Variants in FRRS1 observed in about 807,000 individuals in gnomAD.
The protein encoded by FRRS1 is ferric reductase 1.
In FRRS1, 51 loss-of-function variants were observed where a neutral mutation model predicts 70.7. The observed-to-expected ratio is 0.72, with a 90% CI of 0.58 to 0.91. The LOEUF (loss-of-function observed/expected upper bound fraction) is 0.91, where lower values mean the gene tolerates loss of function less well. FRRS1 is among the 40% of genes least tolerant of loss of function. FRRS1 has a pLI of 0.00. For missense variants in FRRS1, 672 were observed against 726.0 expected (o/e 0.93, Z 0.86); for synonymous variants, 225 against 238.7 (o/e 0.94, Z 0.53).
intron 6 of FRRS1, among the ~76,000 whole-genome samples, chr1:99,739,412 C>G (rs1241307970): frequency 6.6e-6 from 1 of 152,152 alleles, no homozygotes; most frequent in Non-Finnish European, 1.5e-5. Context: ...TTCCCTAAAG[C>G]AGCTTTTAAT....
Position 99,710,897 on chromosome 1 carries a change from T to G in FRRS1, c.1533A>C (p.Ser511=), listed in dbSNP as rs765865502. The change falls in exon 15 of 17, where the codon TCA becomes TCC. Residue 511 remains serine, a synonymous_variant. Coordinates refer to ENST00000646001, the MANE Select transcript of FRRS1 (RefSeq NM_001361041.2). ...ATCCGGTCATTGCATAGGTTTTCCA[T>G]GAATCAGGAAGATTCAGTCCTGGTA... ...MDLPGLNLPD[S]WKTYAMTGFV... The G allele has an allele frequency of 1.2e-6, 2 of 1,613,908 alleles. No individual in the cohort carries two copies. The highest frequency in any genetic ancestry group is 2.7e-5 in the African/African-American group (2 of 74,922).
intron 8 of FRRS1, among the ~76,000 whole-genome samples, chr1:99,729,347 C>CT (rs66525640): frequency 0.22 from 33,596 of 152,132 alleles, 3,681 homozygotes; most frequent in South Asian, 0.26. Flanking sequence ...CGTCTGTAAG[C>CT]TTTTGAAAGG....
intron 1 of FRRS1, among the ~76,000 whole-genome samples, chr1:99,756,872 T>A (rs1656862836): frequency 6.6e-6 from 1 of 152,176 alleles, no homozygotes; most frequent in South Asian, 2.1e-4. Context: ...AAAGTTGACA[T>A]GCACACAAAA....
chr1:99,716,886 C>T (rs370531961), intron 11 of FRRS1, among the ~76,000 whole-genome samples: 8 of 152,270 alleles, frequency 5.3e-5, no homozygotes, highest in South Asian at 2.1e-4. Context: ...GAAGGAAGAG[C>T]ATGAAAAATA....
chr1:99,758,290 AG>A (rs1174156685), intron 1 of FRRS1, among the ~76,000 whole-genome samples: 1 of 152,208 alleles, frequency 6.6e-6, no homozygotes, highest in East Asian at 1.9e-4. Context: ...TAATGAATTG[AG>A]GTCGAGTTTA....
At chr1:99,762,430 C>A (rs1657150051) in intron 1 of FRRS1, among the ~76,000 whole-genome samples, 1 of 151,316 alleles carries the variant, frequency 6.6e-6, no homozygotes, top group African/African-American at 2.4e-5. Flanking sequence ...TGAAAATATC[C>A]TTCTCCAAGA....
At chr1:99,750,867 A>C (rs1187784840) in intron 1 of FRRS1, among the ~76,000 whole-genome samples, 1 of 152,180 alleles carries the variant, frequency 6.6e-6, no homozygotes, top group Non-Finnish European at 1.5e-5. Flanking sequence ...TAAATAAATA[A>C]ATAATAAATA....
At chr1:99,736,491 A>T (rs1292975360) in intron 7 of FRRS1, among the ~76,000 whole-genome samples, 2 of 152,020 alleles carry the variant, frequency 1.3e-5, no homozygotes, top group African/African-American at 4.8e-5. Flanking sequence ...ATGGTATCCT[A>T]CATCATTCTC....
At chr1:99,724,189 G>C (rs899426340) in intron 9 of FRRS1, among the ~76,000 whole-genome samples, 1 of 152,200 alleles carries the variant, frequency 6.6e-6, no homozygotes, top group South Asian at 2.1e-4. Context: ...GAGTTCCATT[G>C]TGTGGCTCCA....
At chr1:99,748,520 A>G (rs1656400446) in intron 3 of FRRS1, 53 bp downstream of exon 3, 17 of 1,287,616 alleles carry the variant, frequency 1.3e-5, no homozygotes, top group Non-Finnish European at 1.9e-5. Flanking sequence ...AAGATTCAAT[A>G]AACAGTAAAA....
chr1:99,729,446 C>A (rs1655238515), intron 8 of FRRS1, among the ~76,000 whole-genome samples: 1 of 152,226 alleles, frequency 6.6e-6, no homozygotes, highest in Non-Finnish European at 1.5e-5. Flanking sequence ...AGCAAGAATT[C>A]ATCTTTTCCT....
Position 99,741,017 on chromosome 1 carries a change from AAAAG to A in FRRS1, c.429-81_429-78del, listed in dbSNP as rs951097385. 19 of 1,322,516 alleles carry A rather than the reference AAAAG, an allele frequency of 1.4e-5. No individual in the cohort carries two copies. The African/African-American group carries it at 2.4e-4, about 16-fold the overall frequency. 81.9% of individuals were successfully genotyped at this position (1,322,516 alleles called of 1,614,324 possible). ...CAGATCAAAACGTTAAAGGAAAAAA[AAAAG>A]AAAGACTAAACTAGAAAAACATGAC... On this transcript the variant is annotated intron_variant, in intron 5 of 16. Transcript: ENST00000646001.
intron 4 of FRRS1, among the ~76,000 whole-genome samples, chr1:99,744,658 T>G (rs2100974704): frequency 6.6e-6 from 1 of 152,046 alleles, no homozygotes; most frequent in South Asian, 2.1e-4. Context: ...TGGTGGCACA[T>G]GCCTGTAATC....
At chr1:99,731,862 C>T (rs1008199751) in intron 7 of FRRS1, among the ~76,000 whole-genome samples, 1 of 152,132 alleles carries the variant, frequency 6.6e-6, no homozygotes, top group Non-Finnish European at 1.5e-5. Flanking sequence ...GATGGATTCT[C>T]GCCCTGTTGC....
At chr1:99,744,793 A>G (rs1238500586) in intron 4 of FRRS1, among the ~76,000 whole-genome samples, 3 of 151,680 alleles carry the variant, frequency 2.0e-5, no homozygotes, top group Admixed American at 6.6e-5. Flanking sequence ...TCCAAAAATA[A>G]TAACAATAAT....
chr1:99,744,550 G>A (rs894137045), intron 4 of FRRS1, among the ~76,000 whole-genome samples: 1 of 152,094 alleles, frequency 6.6e-6, no homozygotes, highest in Non-Finnish European at 1.5e-5. Context: ...ACTTTGGGAG[G>A]CCAAGGCGGG....
At chr1:99,761,195 C>T (rs561012737) in intron 1 of FRRS1, among the ~76,000 whole-genome samples, 2 of 152,088 alleles carry the variant, frequency 1.3e-5, no homozygotes, top group East Asian at 1.9e-4. Context: ...GGTGCAATCT[C>T]GGCTCACTAC....
chr1:99,723,683 A>G (rs1426506207), intron 9 of FRRS1, among the ~76,000 whole-genome samples: 1 of 152,234 alleles, frequency 6.6e-6, no homozygotes, highest in Admixed American at 6.5e-5. Context: ...GCAGGAATAG[A>G]CAAATATATC....
At chr1:99,738,323 G>A (rs1655782917) in intron 6 of FRRS1, 55 bp from the exon 7 acceptor site, 19 of 1,341,234 alleles carry the variant, frequency 1.4e-5, no homozygotes, top group Non-Finnish European at 1.7e-5. Flanking sequence ...GCAGTTCATT[G>A]GCAATGACAG....
Sources: allele counts gnomAD v4.1 joint callset (sites outside exome capture counted in the v4.1 genomes callset), GRCh38; gene constraint gnomAD v4.1.1; transcripts MANE v1.5; gene names NCBI Gene and HGNC (gene_info 2026-07-23, HGNC 2026-07-21).